IPCEF1: variants seen among roughly 807,000 people sequenced by gnomAD.
The protein encoded by IPCEF1 is interaction protein for cytohesin exchange factors 1, also known as interactor protein for cytohesin exchange factors 1.
A neutral mutation model predicts 50.9 loss-of-function variants in IPCEF1; 31 were observed. The ratio of observed to expected loss-of-function variants is 0.61; its 90% CI spans 0.46 to 0.82. The LOEUF (loss-of-function observed/expected upper bound fraction) is 0.82. IPCEF1 is among the 40% of genes least tolerant of loss of function. The probability of loss-of-function intolerance (pLI) is 0.00; values close to 1 mark genes in which losing one functional copy is unlikely to be tolerated. For synonymous variants in IPCEF1, 181 were observed against 192.0 expected, an observed-to-expected ratio of 0.94 and a Z score of 0.47; for missense variants, 458 against 514.0, an observed-to-expected ratio of 0.89 and a Z score of 1.05.
chr6:154,169,703 A>G (rs1444545987), intron 10 of IPCEF1, among the ~76,000 whole-genome samples: 5 of 152,108 alleles, frequency 3.3e-5, no homozygotes, highest in Admixed American at 2.0e-4. Context: ...CTCGGCCCAC[A>G]TGATTGCAGT....
rs2236257 is a variant in IPCEF1, at chr6:154,157,432, G to C, written c.*2396C>G. On this transcript the variant is annotated 3_prime_UTR_variant, in exon 12 of 12. Coordinates refer to ENST00000367220, the MANE Select transcript of IPCEF1 (RefSeq NM_001130700.2). ...CACTTTGGGAAGCTCTGCAAAGTAA[G>C]CTTTAACTAGCAAAGCAAAAACTTC... 0.17 allele frequency: 25,841 copies of C among 152,248 alleles called. 2,758 individuals carry two copies. Among genetic ancestry groups the C allele is most frequent in the Non-Finnish European group, 0.23 (15,876 of 68,004 alleles). The allele number at this position is 152,248 out of a possible 1,614,324, so 9.4% of individuals were successfully genotyped here.
intron 1 of IPCEF1, among the ~76,000 whole-genome samples, chr6:154,305,489 C>T (rs529885541): frequency 6.6e-6 from 1 of 152,166 alleles, no homozygotes; most frequent in Non-Finnish European, 1.5e-5. Context: ...TAATCTTTCA[C>T]AAAAATCACA....
At chr6:154,197,148 TA>T (rs1408278519) in intron 10 of IPCEF1, among the ~76,000 whole-genome samples, 1 of 152,178 alleles carries the variant, frequency 6.6e-6, no homozygotes, top group Non-Finnish European at 1.5e-5. Flanking sequence ...ATCCCTGATA[TA>T]AAAACACCTT....
chr6:154,204,756 T>A (rs148562244), intron 9 of IPCEF1, among the ~76,000 whole-genome samples: 6 of 152,194 alleles, frequency 3.9e-5, no homozygotes, highest in Non-Finnish European at 8.8e-5. Context: ...AAACCACAGA[T>A]AGAGTATTTC....
chr6:154,238,529 G>A (rs941658351), intron 5 of IPCEF1, among the ~76,000 whole-genome samples: 4 of 152,144 alleles, frequency 2.6e-5, no homozygotes, highest in Middle Eastern at 3.2e-3. Context: ...GCCTTCCAAA[G>A]TGCTGGGATC....
intron 1 of IPCEF1, among the ~76,000 whole-genome samples, chr6:154,293,426 T>C (rs1782561140): frequency 6.6e-6 from 1 of 152,210 alleles, no homozygotes; most frequent in Non-Finnish European, 1.5e-5. Context: ...CAAAAACCAC[T>C]TTACTAAGCC....
chr6:154,226,591 C>T (rs552066351), intron 5 of IPCEF1, among the ~76,000 whole-genome samples: 23 of 152,270 alleles, frequency 1.5e-4, no homozygotes, highest in African/African-American at 5.5e-4. Flanking sequence ...TTCAACTTAC[C>T]TTTAATGTTT....
chr6:154,326,022 T>A (rs1783509535), intron 1 of IPCEF1, among the ~76,000 whole-genome samples: 1 of 152,022 alleles, frequency 6.6e-6, no homozygotes, highest in Non-Finnish European at 1.5e-5. Context: ...GCTCTGGAGT[T>A]CAAGACCAGC....
In IPCEF1 at chr6:154,353,364, G is replaced by A. The variant is rs1024694097; in HGVS notation, c.-62+3308C>T. Among the ~76,000 whole-genome samples, 3 of 142,590 alleles carry A rather than the reference G, an allele frequency of 2.1e-5. No individual in the cohort carries two copies. The Admixed American group carries it at 2.3e-4, about 11-fold the overall frequency. The allele number at this position is 142,590 out of a possible 152,430, so 93.5% of individuals were successfully genotyped here. A position where few individuals can be genotyped will look rare whatever the true frequency, so the allele number is the denominator to read the frequency against. ...GGCTGGAGTGCAGCTGCGTGATCTC[G>A]GCTCACTGCGCCTCCCGGATTCAAG... On this transcript the variant is annotated intron_variant, in intron 1 of 11. Transcript: ENST00000367220.
At chr6:154,205,759 C>T (rs1777443013) in intron 9 of IPCEF1, among the ~76,000 whole-genome samples, 1 of 152,132 alleles carries the variant, frequency 6.6e-6, no homozygotes. Context: ...ACAAGGTGCA[C>T]ATTTTCCATT....
At chr6:154,281,769 G>A (rs1465168826) in intron 2 of IPCEF1, among the ~76,000 whole-genome samples, 1 of 152,106 alleles carries the variant, frequency 6.6e-6, no homozygotes, top group Non-Finnish European at 1.5e-5. Flanking sequence ...TTGGGAGGCT[G>A]AGGTGGGTGG....
intron 5 of IPCEF1, among the ~76,000 whole-genome samples, chr6:154,233,159 T>C (rs1416415522): frequency 2.0e-5 from 3 of 152,052 alleles, no homozygotes; most frequent in African/African-American, 4.8e-5. Context: ...AATAGAGACA[T>C]GGTTTCGCCA....
intron 7 of IPCEF1, among the ~76,000 whole-genome samples, chr6:154,220,983 C>T (rs1778820780): frequency 6.6e-6 from 1 of 152,200 alleles, no homozygotes; most frequent in Admixed American, 6.5e-5. Flanking sequence ...GATGCTGATT[C>T]TCCTTTTAAC....
In IPCEF1 at chr6:154,246,652, T is replaced by C. The variant is rs202023134; in HGVS notation, c.185A>G (p.Lys62Arg). 8.7e-6 allele frequency: 14 copies of C among 1,614,096 alleles called. No individual in the cohort carries two copies. Among genetic ancestry groups the C allele is most frequent in the Non-Finnish European group, 1.1e-5 (13 of 1,179,988 alleles). ...KKEKGSFLSN[K>R]WKKFWVILKG... ...CAGTATCACCCAGAACTTTTTCCAT[T>C]TGTTGCTTAGGAAACTTCCCTTTTC... The change falls in exon 5 of 12, where the codon AAA (lysine) becomes AGA (arginine). Residue 62 changes from lysine to arginine, a missense_variant. Lys to Arg is a conservative substitution (Grantham distance 26). Transcript: ENST00000367220.
At chr6:154,322,373 AAC>A (rs3039689) in intron 1 of IPCEF1, among the ~76,000 whole-genome samples, 8,838 of 123,708 alleles carry the variant, frequency 0.071, 295 homozygotes, top group Middle Eastern at 0.12. Flanking sequence ...AAAAATTTTA[AAC>A]ACACACACAC....
intron 5 of IPCEF1, among the ~76,000 whole-genome samples, chr6:154,232,977 T>C (rs1394431318): frequency 6.6e-6 from 1 of 151,180 alleles, no homozygotes; most frequent in Non-Finnish European, 1.5e-5. Context: ...TTCTTTTTTT[T>C]TTTTTTTTGA....
At chr6:154,232,440 G>A (rs1002312779) in intron 5 of IPCEF1, among the ~76,000 whole-genome samples, 2 of 152,098 alleles carry the variant, frequency 1.3e-5, no homozygotes, top group Non-Finnish European at 2.9e-5. Flanking sequence ...AGCCTTAAGA[G>A]GAAAATTAAT....
At chr6:154,328,223 A>G (rs1280554254) in intron 1 of IPCEF1, among the ~76,000 whole-genome samples, 4 of 152,210 alleles carry the variant, frequency 2.6e-5, no homozygotes, top group African/African-American at 9.6e-5. Flanking sequence ...TGAACTTAAA[A>G]GTTGAAAAAA....
intron 5 of IPCEF1, 147 bp from the exon 6 acceptor site, chr6:154,223,390 TC>T: frequency 1.5e-6 from 1 of 672,186 alleles, no homozygotes; most frequent in Non-Finnish European, 2.7e-6. Flanking sequence ...CATGGAGGTG[TC>T]CCAGATACAC....
Sources: gnomAD v4.1 joint callset for allele counts (sites outside exome capture counted in the v4.1 genomes callset) on GRCh38, gnomAD v4.1.1 for gene constraint, MANE v1.5 for transcripts, NCBI Gene and HGNC (gene_info 2026-07-23, HGNC 2026-07-21) for gene names.